Variants in DGKK observed in about 807,000 individuals in gnomAD.
DGKK encodes 142 kDa diacylglycerol kinase.
Under a neutral mutation model 92.2 loss-of-function variants are expected in DGKK, and 35 were observed. The observed-to-expected ratio is 0.38, with a 90% CI of 0.29 to 0.50. DGKK has a LOEUF of 0.50. Among genes scored for constraint, DGKK ranks in the 20% least tolerant of loss-of-function variants. DGKK has a pLI of 0.92. For synonymous variants in DGKK, 368 were observed against 360.6 expected, an observed-to-expected ratio of 1.02 and a Z score of -0.23; for missense variants, 910 against 992.2, an observed-to-expected ratio of 0.92 and a Z score of 1.11.
chrX:50,447,358 A>T (rs188840294), intron 1 of DGKK, among the ~76,000 whole-genome samples: 193 of 6,502 alleles, frequency 0.03, 6 homozygotes, highest in African/African-American at 0.11. Context: ...TATATATATA[A>T]TATATATATA....
intron 2 of DGKK, among the ~76,000 whole-genome samples, chrX:50,422,923 G>C (rs1925636573): frequency 8.9e-6 from 1 of 111,833 alleles, no homozygotes; most frequent in Admixed American, 9.5e-5. Context: ...GGCAACCTTT[G>C]CAGTGTTGCT....
chrX:50,373,353 G>T (rs547543727), intron 25 of DGKK, among the ~76,000 whole-genome samples: 1 of 112,182 alleles, frequency 8.9e-6, no homozygotes, highest in East Asian at 2.8e-4. Flanking sequence ...TGGATGTGTG[G>T]ATGTGTATGT....
At chrX:50,426,399 A>T (rs1362645030) in intron 1 of DGKK, among the ~76,000 whole-genome samples, 2 of 112,434 alleles carry the variant, frequency 1.8e-5, no homozygotes, top group African/African-American at 6.5e-5. Context: ...ACTTGTGAAT[A>T]TGATAGCCCA....
chrX:50,400,909 G>T, intron 8 of DGKK, 128 bp downstream of exon 8: 2 of 580,412 alleles, frequency 3.4e-6, no homozygotes, highest in Non-Finnish European at 5.7e-6. Flanking sequence ...ATATACACAT[G>T]CACAGTCCTA....
chrX:50,391,873 T>C (rs189558201), intron 10 of DGKK, among the ~76,000 whole-genome samples: 1 of 112,264 alleles, frequency 8.9e-6, no homozygotes, highest in Non-Finnish European at 1.9e-5. Context: ...TGAATTTCTA[T>C]CTGGGCTGGG....
At chrX:50,423,578 A>T (rs1925657613) in intron 2 of DGKK, among the ~76,000 whole-genome samples, 1 of 112,180 alleles carries the variant, frequency 8.9e-6, no homozygotes, top group Non-Finnish European at 1.9e-5. Context: ...GGCAACCCAT[A>T]GTTCTTTCAG....
At chrX:50,424,682 G>T (rs1238890194) in intron 1 of DGKK, among the ~76,000 whole-genome samples, 6 of 112,010 alleles carry the variant, frequency 5.4e-5, no homozygotes, top group African/African-American at 1.9e-4. Context: ...AGGAAAGAAT[G>T]CGTGGTAGAG....
chrX:50,380,375 C>T (rs1557224328), intron 18 of DGKK, among the ~76,000 whole-genome samples: 1 of 111,174 alleles, frequency 9.0e-6, no homozygotes, highest in African/African-American at 3.3e-5. Context: ...GACATCAATG[C>T]TCATAAAAAG....
At chrX:50,399,264 G>A (rs1197058834) in intron 8 of DGKK, among the ~76,000 whole-genome samples, 2 of 106,394 alleles carry the variant, frequency 1.9e-5, no homozygotes, top group Middle Eastern at 4.9e-3. Flanking sequence ...GTGTGTGTAC[G>A]CGTGCACATA....
At chrX:50,418,047 C>T (rs781878547) in intron 4 of DGKK, among the ~76,000 whole-genome samples, 67 of 111,329 alleles carry the variant, frequency 6.0e-4, no homozygotes, top group African/African-American at 2.2e-3. Context: ...AGCCCAGGAC[C>T]TCCCACTGCC....
chrX:50,424,870 A>G (rs1489546502), intron 1 of DGKK, among the ~76,000 whole-genome samples: 1 of 111,561 alleles, frequency 9.0e-6, no homozygotes, highest in African/African-American at 3.3e-5. Context: ...AGTCTTTACC[A>G]TGGTTTGTCT....
Position 50,374,872 on chromosome X carries a change from G to T in DGKK, c.3501+99C>A, listed in dbSNP as rs1460595653. The T allele has an allele frequency of 6.5e-5, 46 of 711,328 alleles. No homozygotes were observed. The East Asian group carries it at 1.5e-3, about 24-fold the overall frequency. 58.6% of individuals were successfully genotyped at this position (711,328 alleles called of 1,213,427 possible). On this transcript the variant is annotated intron_variant, in intron 25 of 27. Transcript: ENST00000611977. ...TTCCAGGCAAGCACCTGGCCAAAAT[G>T]CTCCCACGGGTCTCCAGTGCCCTTG...
At chrX:50,400,946 G>A (rs1557226545) in intron 8 of DGKK, 91 bp downstream of exon 8, 33 of 844,105 alleles carry the variant, frequency 3.9e-5, no homozygotes, top group Non-Finnish European at 5.0e-5. Flanking sequence ...GACTGGTTGA[G>A]GAGAATAATT....
chrX:50,376,646 G>T, intron 23 of DGKK, 112 bp downstream of exon 23: 1 of 747,569 alleles, frequency 1.3e-6, no homozygotes, highest in Non-Finnish European at 1.9e-6. Context: ...AGAGCTCTAA[G>T]CTAAATTCCT....
At position 50,368,260 on chromosome X, in the gene DGKK, C is replaced by CCAGAG. The variant is rs1346250166; in HGVS notation, c.*675_*679dup. ...GGGTGAGTTCCAACCAATGAGCCCA[C>CCAGAG]CAGAGCACCACCTGGACATATGCAG... On this transcript the variant is annotated 3_prime_UTR_variant, in exon 28 of 28. Coordinates refer to ENST00000611977, the MANE Select transcript of DGKK (RefSeq NM_001013742.4). 2.7e-5 allele frequency: 3 copies of CCAGAG among 110,335 alleles called. No individual in the cohort carries two copies. The East Asian group carries it at 8.6e-4, about 31-fold the overall frequency. 9.1% of individuals were successfully genotyped at this position (110,335 alleles called of 1,213,427 possible). A position where few individuals can be genotyped will look rare whatever the true frequency, so the allele number is the denominator to read the frequency against.
rs782557167 is a variant in DGKK, at chrX:50,384,334, G to A, written c.2453-70C>T. On this transcript the variant is annotated intron_variant, in intron 16 of 27. Coordinates refer to ENST00000611977, the MANE Select transcript of DGKK (RefSeq NM_001013742.4). ...AGCCCTTTCCCCTCACTTGTATTTC[G>A]CCCTATTTTCTCTGTGGAGGCAGGG... is the stretch of plus-strand genomic sequence containing the variant. 2.0e-3 allele frequency: 1,508 copies of A among 750,758 alleles called. 3 individuals carry two copies. Among genetic ancestry groups the A allele is most frequent in the Non-Finnish European group, 2.6e-3 (1,364 of 524,821 alleles). 61.9% of individuals were successfully genotyped at this position (750,758 alleles called of 1,213,427 possible). A position where few individuals can be genotyped will look rare whatever the true frequency, so the allele number is the denominator to read the frequency against.
rs1333732538 is a variant in DGKK, at chrX:50,404,088, T to C, written c.1039A>G (p.Ser347Gly). The C allele has an allele frequency of 8.3e-7, 1 of 1,209,184 alleles. No homozygotes were observed. Among genetic ancestry groups the C allele is most frequent in the Non-Finnish European group, 1.1e-6 (1 of 895,012 alleles). Residue 347 changes from serine to glycine, a missense_variant, in exon 5 of 28, where the codon AGC (serine) becomes GGC (glycine). Physicochemically the swap from Ser to Gly is moderately conservative, Grantham distance 56. Coordinates refer to ENST00000611977, the MANE Select transcript of DGKK (RefSeq NM_001013742.4). The part of the protein sequence containing the change: ...RTQHCNVCRE[S>G]IPALSRDAII... ...GCATCTCTAGATAAGGCAGGAATGC[T>C]CTCTCGACAAACATTGCAGTGCTGG...
In DGKK at chrX:50,462,236, T is replaced by C. The variant is rs184597262; in HGVS notation, c.645+7798A>G. The stretch of plus-strand genomic sequence containing the variant: ...GGATGATGGGGAAGGTAACCAGAAA[T>C]AGACTGGGGCAGCGGGAAGCCAGCC... On this transcript the variant is annotated intron_variant, in intron 1 of 27. Coordinates refer to ENST00000611977, the MANE Select transcript of DGKK (RefSeq NM_001013742.4). Among the ~76,000 whole-genome samples the C allele has an allele frequency of 2.4e-4, 27 of 110,769 alleles. No homozygotes were observed. The East Asian group carries it at 7.7e-3, about 32-fold the overall frequency.
At chrX:50,384,323 A>T (rs1924485679) in intron 16 of DGKK, 59 bp from the exon 17 acceptor site, 1 of 824,882 alleles carries the variant, frequency 1.2e-6, no homozygotes, top group Non-Finnish European at 1.7e-6. Context: ...CTTTCCCCTC[A>T]CTTGTATTTC....
Sources: gnomAD v4.1 joint callset for allele counts (sites outside exome capture counted in the v4.1 genomes callset) on GRCh38, gnomAD v4.1.1 for gene constraint, MANE v1.5 for transcripts, NCBI Gene and HGNC (gene_info 2026-07-23, HGNC 2026-07-21) for gene names.